The following ANKS1B variants were observed in gnomAD, a reference collection of about 807,000 sequenced individuals.
ANKS1B encodes the protein ankyrin repeat and sterile alpha motif domain-containing protein 1B.
A neutral mutation model predicts 148.3 loss-of-function variants in ANKS1B; 36 were observed. That is an observed-to-expected ratio of 0.24 (90% CI 0.19 to 0.32). ANKS1B has a LOEUF of 0.32. Ranked by LOEUF, ANKS1B falls within the 10% of genes least tolerant of loss-of-function variation. The pLI is 1.00. For synonymous variants in ANKS1B, 542 were observed against 560.8 expected, an observed-to-expected ratio of 0.97 and a Z score of 0.47; for missense variants, 1,157 against 1,542.6, an observed-to-expected ratio of 0.75 and a Z score of 4.19.
At chr12:99,738,273 T>C (rs182647294) in intron 8 of ANKS1B, among the ~76,000 whole-genome samples, 1 of 152,322 alleles carries the variant, frequency 6.6e-6, no homozygotes, top group African/African-American at 2.4e-5. Flanking sequence ...GTACTTATTT[T>C]ATTATTTCCA....
intron 9 of ANKS1B, among the ~76,000 whole-genome samples, chr12:99,574,808 C>T (rs1357476988): frequency 6.6e-6 from 1 of 151,992 alleles, no homozygotes; most frequent in Non-Finnish European, 1.5e-5. Context: ...GGAAACCTTA[C>T]AATTAACAGG....
chr12:99,227,261 C>T (rs1030756861), intron 14 of ANKS1B, among the ~76,000 whole-genome samples: 1 of 152,150 alleles, frequency 6.6e-6, no homozygotes, highest in Non-Finnish European at 1.5e-5. Context: ...CTCTCGCTTG[C>T]TCCTACATTT....
intron 17 of ANKS1B, among the ~76,000 whole-genome samples, chr12:99,026,845 A>C (rs2099949033): frequency 6.6e-6 from 1 of 152,220 alleles, no homozygotes; most frequent in Admixed American, 6.5e-5. Context: ...TGCATAACAA[A>C]AGGACTCGCC....
At chr12:99,818,393 C>T (rs944539702) in intron 2 of ANKS1B, among the ~76,000 whole-genome samples, 3 of 151,762 alleles carry the variant, frequency 2.0e-5, no homozygotes, top group Non-Finnish European at 2.9e-5. Flanking sequence ...TGTTCAAGTA[C>T]ATTTACTAAT....
intron 8 of ANKS1B, among the ~76,000 whole-genome samples, chr12:99,668,242 T>A (rs907888270): frequency 3.4e-5 from 4 of 118,218 alleles, no homozygotes; most frequent in African/African-American, 1.4e-4. Flanking sequence ...TTCCATTTCA[T>A]CTAGGTTGTC....
At chr12:99,872,568 A>G (rs1005497314) in intron 1 of ANKS1B, among the ~76,000 whole-genome samples, 1 of 152,142 alleles carries the variant, frequency 6.6e-6, no homozygotes, top group Non-Finnish European at 1.5e-5. Context: ...GACAACAACA[A>G]AAACCTGATG....
rs2095754718 is a variant in ANKS1B at position 99,984,827 on chromosome 12, C to G, written c.-590G>C. On this transcript the variant is annotated 5_prime_UTR_variant, in exon 1 of 27. Coordinates refer to ENST00000683438, the MANE Select transcript of ANKS1B (RefSeq NM_001352186.2). ...CCGAGGCAGGGCGGTGGGGGGCAGC[C>G]GCAGCGGGCGCGTGCCGAGGGCGGC... Among the ~76,000 whole-genome samples the G allele has an allele frequency of 6.9e-6, 1 of 145,794 alleles. No individual in the cohort carries two copies. Among genetic ancestry groups the G allele is most frequent in the Non-Finnish European group, 1.5e-5 (1 of 65,700 alleles).
intron 10 of ANKS1B, among the ~76,000 whole-genome samples, chr12:99,484,662 G>T (rs1164659543): frequency 6.6e-6 from 1 of 151,482 alleles, no homozygotes; most frequent in African/African-American, 2.4e-5. Flanking sequence ...ATAAATCTGG[G>T]AGCTCCAGTG....
intron 10 of ANKS1B, among the ~76,000 whole-genome samples, chr12:99,460,625 G>T (rs1464162175): frequency 2.4e-4 from 37 of 151,756 alleles, no homozygotes; most frequent in Admixed American, 2.4e-3. Flanking sequence ...ATATACAAAT[G>T]GCCAACAAAC....
intron 17 of ANKS1B, among the ~76,000 whole-genome samples, chr12:98,999,338 G>C (rs2099931557): frequency 6.6e-6 from 1 of 152,094 alleles, no homozygotes; most frequent in African/African-American, 2.4e-5. Flanking sequence ...CACACAAACT[G>C]GCGTTTCTAA....
chr12:99,240,748 C>G (rs1299963362), intron 14 of ANKS1B, among the ~76,000 whole-genome samples: 1 of 152,206 alleles, frequency 6.6e-6, no homozygotes, highest in East Asian at 1.9e-4. Flanking sequence ...GAAATTCACT[C>G]AAAACTGCTC....
At chr12:99,939,020 A>T (rs2094850645) in intron 1 of ANKS1B, among the ~76,000 whole-genome samples, 1 of 152,182 alleles carries the variant, frequency 6.6e-6, no homozygotes, top group South Asian at 2.1e-4. Flanking sequence ...TTTCTTAAAC[A>T]ATAGCTTATT....
chr12:99,456,618 C>T (rs2095851325), intron 10 of ANKS1B, among the ~76,000 whole-genome samples: 1 of 151,986 alleles, frequency 6.6e-6, no homozygotes, highest in Non-Finnish European at 1.5e-5. Context: ...TAGAGAATTA[C>T]AAAATGCACT....
At chr12:99,014,036 A>G (rs1334941489) in intron 17 of ANKS1B, among the ~76,000 whole-genome samples, 1 of 152,118 alleles carries the variant, frequency 6.6e-6, no homozygotes, top group Non-Finnish European at 1.5e-5. Context: ...ATATGGAGCC[A>G]AAAAAAGAAA....
intron 4 of ANKS1B, among the ~76,000 whole-genome samples, chr12:99,785,765 A>T (rs1192534479): frequency 6.6e-6 from 1 of 152,224 alleles, no homozygotes; most frequent in Non-Finnish European, 1.5e-5. Context: ...TTATATAATT[A>T]ACCCAATCTA....
At chr12:99,959,591 A>T in intron 1 of ANKS1B, among the ~76,000 whole-genome samples, 1 of 152,220 alleles carries the variant, frequency 6.6e-6, no homozygotes, top group Non-Finnish European at 1.5e-5. Context: ...TACTTTGCTT[A>T]AGCAGTCTGC....
chr12:99,720,237 CCTGCCCAGGACTGGCAAATT>C (rs1194600125), intron 8 of ANKS1B, among the ~76,000 whole-genome samples: 1 of 152,190 alleles, frequency 6.6e-6, no homozygotes, highest in Non-Finnish European at 1.5e-5. Flanking sequence ...GGGATTTGCC[CCTGCCCAGGACTGGCAAATT>C]GACTTTACTC....
At position 99,779,932 on chromosome 12, in the gene ANKS1B, GAC is replaced by G. The variant is rs1248958606; in HGVS notation, c.784_785del (p.Val262LeufsTer51). 1 of 1,611,372 alleles carries G rather than the reference GAC, an allele frequency of 6.2e-7. No individual in the cohort carries two copies. The highest frequency in any genetic ancestry group is 8.5e-7 in the Non-Finnish European group (1 of 1,179,340). ...ANIKDSLGRT[V>X]LDILKEHPSQ... is the part of the protein sequence containing the mutation. ...ATGGATGTTCTTTCAGAATGTCCAAGACAGTTCTACCTAAGCTATCCTTTATG... is the reference window on the plus strand; with the variant it reads ...ATGGATGTTCTTTCAGAATGTCCAAGAGTTCTACCTAAGCTATCCTTTATG... On this transcript the variant is annotated frameshift_variant, in exon 6 of 27. Transcript: ENST00000683438. LOFTEE classifies it high-confidence loss of function.
At chr12:99,271,499 C>T (rs964354700) in intron 12 of ANKS1B, among the ~76,000 whole-genome samples, 2 of 151,204 alleles carry the variant, frequency 1.3e-5, no homozygotes, top group Non-Finnish European at 2.9e-5. Context: ...CATTAGTATC[C>T]CTAGCTTCTA....
Sources: gnomAD v4.1 joint callset for allele counts (sites outside exome capture counted in the v4.1 genomes callset) on GRCh38, gnomAD v4.1.1 for gene constraint, MANE v1.5 for transcripts, NCBI Gene and HGNC (gene_info 2026-07-23, HGNC 2026-07-21) for gene names.